The following SYNE2 variants were observed in gnomAD, a reference collection of about 807,000 sequenced individuals.
The protein encoded by SYNE2 is nesprin-2.
SYNE2 carries 431 observed loss-of-function variants against 856.3 expected under a neutral mutation model. The ratio of observed to expected loss-of-function variants is 0.50; its 90% CI spans 0.47 to 0.55. The LOEUF (loss-of-function observed/expected upper bound fraction) is 0.55. Among genes scored for constraint, SYNE2 ranks in the 20% least tolerant of loss-of-function variants. The pLI is 0.00. For synonymous variants in SYNE2, 2,923 were observed against 2,872.3 expected (o/e 1.02, Z -0.56); for missense variants, 8,129 against 8,023.2 (o/e 1.01, Z -0.50).
chr14:64,092,185 G>A (rs986974457), intron 60 of SYNE2, among the ~76,000 whole-genome samples: 3 of 152,096 alleles, frequency 2.0e-5, no homozygotes, highest in East Asian at 1.9e-4. Context: ...AGAAAGCCAC[G>A]GTCCTAACTA....
At chr14:64,142,311 CT>C (rs928741046) in intron 82 of SYNE2, among the ~76,000 whole-genome samples, 4 of 152,146 alleles carry the variant, frequency 2.6e-5, no homozygotes, top group Non-Finnish European at 5.9e-5. Context: ...TCCAAGCAAG[CT>C]TTTAACAGAC....
At chr14:64,220,722 C>G in intron 111 of SYNE2, 85 bp downstream of exon 111, 1 of 1,491,722 alleles carries the variant, frequency 6.7e-7, no homozygotes, top group Non-Finnish European at 9.2e-7. Flanking sequence ...CATCATCAGG[C>G]TGCTTCCGTG....
intron 57 of SYNE2, 58 bp from the exon 58 acceptor site, chr14:64,087,613 C>A (rs2097573894): frequency 1.3e-6 from 2 of 1,538,466 alleles, no homozygotes; most frequent in South Asian, 1.1e-5. Context: ...AAATATTAAT[C>A]AGCTTATATC....
In SYNE2 at chr14:64,052,380, A is replaced by G. The variant is rs752331088; in HGVS notation, c.8467A>G (p.Thr2823Ala). ...ATACCAAATGCTGGTTTTAAAATCA[A>G]CTCAAAGATCACAGCAATTAGAATT... ...NQYQMLVLKS[T>A]QRSQQLEFKL... Residue 2823 changes from threonine (T) to alanine (A), a missense_variant, in exon 48 of 116, where the codon ACT (threonine) becomes GCT (alanine). Thr to Ala is a moderately conservative substitution (Grantham distance 58). This residue lies in a region of SYNE2 where 5,410 missense variants were observed against 5,284.8 expected (regional missense o/e 1.02). Transcript: ENST00000555002. 43 of 1,614,042 alleles carry G rather than the reference A, an allele frequency of 2.7e-5. No homozygotes were observed. Among genetic ancestry groups the G allele is most frequent in the Non-Finnish European group, 3.5e-5 (41 of 1,180,028 alleles).
At chr14:63,953,352 G>C (rs1452486068) in intron 7 of SYNE2, among the ~76,000 whole-genome samples, 1 of 152,188 alleles carries the variant, frequency 6.6e-6, no homozygotes, top group Non-Finnish European at 1.5e-5. Flanking sequence ...CAGTGACTAG[G>C]AGGGTGGCTT....
chr14:64,085,900 G>A (rs2097558026), intron 57 of SYNE2, among the ~76,000 whole-genome samples: 1 of 152,086 alleles, frequency 6.6e-6, no homozygotes, highest in Admixed American at 6.5e-5. Flanking sequence ...AAAATATTCT[G>A]AAAACCATTC....
chr14:64,143,811 G>GACTT lies in SYNE2; in HGVS notation c.15347_15350dup (p.Phe5117LeufsTer4). On this transcript the variant is annotated frameshift_variant, in exon 83 of 116. Transcript: ENST00000555002. LOFTEE classifies it high-confidence loss of function. Reference sequence around the variant, plus strand: ...AATGGACTATAAACAGTGGATAGTTGACTTCGTTAACCAGTCATTACTTCA... The same window carrying GACTT: ...AATGGACTATAAACAGTGGATAGTTGACTTACTTCGTTAACCAGTCATTACTTCA... 1 of 1,614,168 alleles carries GACTT rather than the reference G, an allele frequency of 6.2e-7. No homozygotes were observed. The highest frequency in any genetic ancestry group is 1.3e-5 in the African/African-American group (1 of 75,046).
intron 63 of SYNE2, chr14:64,099,578 A>G (rs1240066952): frequency 6.6e-6 from 1 of 152,280 alleles, no homozygotes; most frequent in Non-Finnish European, 1.5e-5. Context: ...ATACCCCTTC[A>G]TGGCAGAGAG....
rs140294720 is a variant in SYNE2 at position 63,882,990 on chromosome 14, G to GT, written c.-51-26094dup. Among the ~76,000 whole-genome samples, 562 of 136,366 alleles carry GT rather than the reference G, an allele frequency of 4.1e-3. 1 individual carries two copies. The highest frequency in any genetic ancestry group is 5.2e-3 in the Non-Finnish European group (338 of 65,532). 89.5% of individuals were successfully genotyped at this position (136,366 alleles called of 152,430 possible). A position where few individuals can be genotyped will look rare whatever the true frequency, so the allele number is the denominator to read the frequency against. On this transcript the variant is annotated intron_variant, in intron 1 of 115. Coordinates refer to ENST00000555002, the MANE Select transcript of SYNE2 (RefSeq NM_182914.3). ...ATGCTTAGTGCATAGTAAGCACTCT[G>GT]TTTTTTTTTTTTTTAATGAATTAGG...
chr14:64,036,593 T>C (rs181797888), intron 45 of SYNE2, among the ~76,000 whole-genome samples: 38 of 152,276 alleles, frequency 2.5e-4, no homozygotes, highest in African/African-American at 8.4e-4. Context: ...CTGGCCACCC[T>C]GTTTCTATTG....
intron 74 of SYNE2, 85 bp from the exon 75 acceptor site, chr14:64,129,697 G>A: frequency 1.3e-6 from 2 of 1,583,862 alleles, no homozygotes; most frequent in Non-Finnish European, 1.7e-6. Flanking sequence ...ATCCCTTTCT[G>A]TACTATTTAA....
chr14:64,041,309 A>T (rs1460114123), intron 45 of SYNE2, among the ~76,000 whole-genome samples: 1 of 152,196 alleles, frequency 6.6e-6, no homozygotes, highest in African/African-American at 2.4e-5. Context: ...CACAAGCCTA[A>T]ACAGGAAAAG....
intron 94 of SYNE2, among the ~76,000 whole-genome samples, chr14:64,172,592 T>C (rs1048216435): frequency 1.3e-5 from 2 of 152,002 alleles, no homozygotes; most frequent in Non-Finnish European, 2.9e-5. Flanking sequence ...TCTGCCACAC[T>C]CTAACAATGA....
intron 43 of SYNE2, 145 bp from the exon 44 acceptor site, chr14:64,029,749 TA>T: frequency 9.8e-7 from 1 of 1,018,792 alleles, no homozygotes; most frequent in Non-Finnish European, 1.5e-6. Flanking sequence ...TCTCCAACTC[TA>T]AAATCTTTAG....
rs749486197 is a variant in SYNE2 at position 64,190,136 on chromosome 14, G to A, written c.17937G>A (p.Gln5979=). 1.2e-6 allele frequency: 2 copies of A among 1,614,120 alleles called. No individual in the cohort carries two copies. Among genetic ancestry groups the A allele is most frequent in the South Asian group, 2.2e-5 (2 of 91,072 alleles). Residue 5979 remains glutamine (Q), a synonymous_variant, in exon 99 of 116, where the codon CAG becomes CAA. Transcript: ENST00000555002. The part of the protein sequence containing the change: ...NKLQLKQMGD[Q]LIKASNKSRA... ...TACAGTTAAAGCAGATGGGTGACCAGTTGATCAAGGCCAGCAACAAATCAA... is the reference window on the plus strand; with the variant it reads ...TACAGTTAAAGCAGATGGGTGACCAATTGATCAAGGCCAGCAACAAATCAA...
At chr14:64,120,261 TA>T (rs57343267) in intron 67 of SYNE2, among the ~76,000 whole-genome samples, 1 of 151,962 alleles carries the variant, frequency 6.6e-6, no homozygotes, top group Admixed American at 6.6e-5. Flanking sequence ...TCTCTCTTTT[TA>T]AAAAAAATGT....
At chr14:63,793,467 T>C (rs1887805514) in intron 1 of SYNE2, among the ~76,000 whole-genome samples, 1 of 152,214 alleles carries the variant, frequency 6.6e-6, no homozygotes, top group Admixed American at 6.6e-5. Flanking sequence ...GCAGATAAAT[T>C]CTGCCATTTT....
chr14:64,144,486 A>G (rs1411048649), intron 83 of SYNE2, among the ~76,000 whole-genome samples: 2 of 152,250 alleles, frequency 1.3e-5, no homozygotes, highest in Non-Finnish European at 1.5e-5. Flanking sequence ...ATACAAGTAC[A>G]TGAATGGACA....
chr14:64,063,114 G>A (rs1285786768), intron 50 of SYNE2, among the ~76,000 whole-genome samples: 1 of 152,160 alleles, frequency 6.6e-6, no homozygotes, highest in African/African-American at 2.4e-5. Context: ...TGCAGTCTTG[G>A]CTCACTGCAG....
Sources: gnomAD v4.1 joint callset for allele counts (sites outside exome capture counted in the v4.1 genomes callset) on GRCh38, gnomAD v4.1.1 for gene constraint, gnomAD v4.1.1 regional missense constraint, MANE v1.5 for transcripts, NCBI Gene and HGNC (gene_info 2026-07-23, HGNC 2026-07-21) for gene names.